The following KIF6 variants were observed in gnomAD, a reference collection of about 807,000 sequenced individuals.
The protein encoded by KIF6 is kinesin family member 6, also known as kinesin-like protein KIF6.
In KIF6, 106 loss-of-function variants were observed where a neutral mutation model predicts 112.7. The observed-to-expected ratio is 0.94, with a 90% CI of 0.80 to 1.11. The LOEUF is 1.11. Among genes scored for constraint, KIF6 ranks in the 50% least tolerant of loss-of-function variants. KIF6 has a pLI of 0.00. For synonymous variants in KIF6, 339 were observed against 339.9 expected (o/e 1.00, Z 0.03); for missense variants, 929 against 964.0 (o/e 0.96, Z 0.48).
At chr6:39,485,654 C>T (rs1212659255) in intron 13 of KIF6, among the ~76,000 whole-genome samples, 1 of 152,128 alleles carries the variant, frequency 6.6e-6, no homozygotes, top group Non-Finnish European at 1.5e-5. Flanking sequence ...TACACATTAT[C>T]AATGTGCAGA....
chr6:39,583,450 G>A (rs1209129628), intron 9 of KIF6: 2 of 471,538 alleles, frequency 4.2e-6, no homozygotes, highest in Admixed American at 2.3e-5. Context: ...TTCTGCAGAA[G>A]AGAACTCCAT....
intron 16 of KIF6, among the ~76,000 whole-genome samples, chr6:39,370,392 G>A (rs1296983803): frequency 1.3e-5 from 2 of 152,190 alleles, no homozygotes; most frequent in East Asian, 3.8e-4. Flanking sequence ...TGGCTAATTA[G>A]AGAAATTTCA....
At chr6:39,487,272 CAT>C (rs1284137143) in intron 13 of KIF6, among the ~76,000 whole-genome samples, 1 of 152,196 alleles carries the variant, frequency 6.6e-6, no homozygotes, top group Non-Finnish European at 1.5e-5. Flanking sequence ...GCTATATCCC[CAT>C]TCAGGACCTG....
chr6:39,494,575 C>G (rs949634493), intron 13 of KIF6, among the ~76,000 whole-genome samples: 12 of 152,038 alleles, frequency 7.9e-5, no homozygotes, highest in Non-Finnish European at 1.5e-5. Flanking sequence ...AAATCAATGC[C>G]TCTAGAATTC....
chr6:39,552,824 C>T (rs1300171597), intron 10 of KIF6, among the ~76,000 whole-genome samples: 1 of 152,012 alleles, frequency 6.6e-6, no homozygotes, highest in Non-Finnish European at 1.5e-5. Flanking sequence ...GGATGTGGCC[C>T]TTTAAAACAT....
At chr6:39,495,330 C>T (rs570361945) in intron 13 of KIF6, among the ~76,000 whole-genome samples, 15 of 152,242 alleles carry the variant, frequency 9.9e-5, no homozygotes, top group South Asian at 2.1e-4. Flanking sequence ...CCCATATGTC[C>T]GCGTGTCCCT....
chr6:39,449,653 G>A (rs1245742681), intron 13 of KIF6, among the ~76,000 whole-genome samples: 2 of 152,166 alleles, frequency 1.3e-5, no homozygotes, highest in Non-Finnish European at 2.9e-5. Flanking sequence ...ACTCCTCAGA[G>A]GCTAACCTGT....
At chr6:39,413,597 C>T (rs921112170) in intron 15 of KIF6, among the ~76,000 whole-genome samples, 2 of 152,044 alleles carry the variant, frequency 1.3e-5, no homozygotes, top group African/African-American at 4.8e-5. Flanking sequence ...GGGCAAGGTC[C>T]CTTTCAACGA....
Position 39,342,610 on chromosome 6 carries a change from T to A in KIF6, c.2428+1099A>T, listed in dbSNP as rs866116318. 1.2e-4 allele frequency among the ~76,000 whole-genome samples: 16 copies of A among 138,344 alleles called. No homozygotes were observed. Among genetic ancestry groups the A allele is most frequent in the South Asian group, 4.4e-4 (2 of 4,500 alleles). The allele number at this position is 138,344 out of a possible 152,430, so 90.8% of individuals were successfully genotyped here. ...CTGAATCCAGTTTTTTATTTTTTTT[T>A]ATTTTTTTTTATTTTTTTTTATTTT... On this transcript the variant is annotated intron_variant, in intron 22 of 22. Transcript: ENST00000287152. The surrounding 1 kb of genome is among the most constrained non-coding windows in gnomAD (Gnocchi z 4.7).
intron 7 of KIF6, among the ~76,000 whole-genome samples, chr6:39,587,611 T>C (rs1232371462): frequency 1.3e-5 from 2 of 152,100 alleles, no homozygotes; most frequent in Non-Finnish European, 2.9e-5. Context: ...CTCTCCTCAA[T>C]TTCACTTCGA....
At chr6:39,688,352 C>G (rs1787992278) in intron 3 of KIF6, among the ~76,000 whole-genome samples, 1 of 151,876 alleles carries the variant, frequency 6.6e-6, no homozygotes, top group Non-Finnish European at 1.5e-5. Flanking sequence ...TGAAGAGATC[C>G]CACTCAAGCA....
intron 18 of KIF6, 97 bp downstream of exon 18, chr6:39,360,298 G>A: frequency 7.2e-7 from 1 of 1,388,252 alleles, no homozygotes; most frequent in Non-Finnish European, 9.9e-7. Flanking sequence ...GACCATGGGG[G>A]CCTGTGGGTC....
chr6:39,385,128 A>G lies in KIF6; in HGVS notation c.1861+494T>C, dbSNP rs1291491920. Among the ~76,000 whole-genome samples, 3 of 152,210 alleles carry G rather than the reference A, an allele frequency of 2.0e-5. No individual in the cohort carries two copies. The East Asian group carries it at 5.8e-4, about 29-fold the overall frequency. On this transcript the variant is annotated intron_variant, in intron 16 of 22. Transcript: ENST00000287152. Reference sequence around the variant, plus strand: ...TGTTTCAACACTCACTGGCTACATGACCTTGGGAAGGCACTGCATCTCCCC... The same window carrying G: ...TGTTTCAACACTCACTGGCTACATGGCCTTGGGAAGGCACTGCATCTCCCC...
intron 3 of KIF6, among the ~76,000 whole-genome samples, chr6:39,654,449 C>G (rs554073629): frequency 1.3e-5 from 2 of 152,272 alleles, no homozygotes; most frequent in East Asian, 3.9e-4. Flanking sequence ...GGACCTTTCT[C>G]CATCAATTAA....
At position 39,345,769 on chromosome 6, in the gene KIF6, A is replaced by T. The variant is rs1763659001; in HGVS notation, c.2252T>A (p.Ile751Asn). The T allele has an allele frequency of 6.2e-7, 1 of 1,613,778 alleles. No individual in the cohort carries two copies. Among genetic ancestry groups the T allele is most frequent in the African/African-American group, 1.3e-5 (1 of 74,888 alleles). ...TGGACTGGGGCAAGGCGAGGGCAGG[A>T]TTTTCCTGGCATTCACATCACTGCA... ...FDVCDVNARK[I>N]LPSPCPSPHS... Residue 751 changes from isoleucine to asparagine, a missense_variant, in exon 21 of 23, where the codon ATC (isoleucine) becomes AAC (asparagine). Around this residue, in one of 2 missense-constraint regions of KIF6, gnomAD observed 241 missense variants for 301.4 expected, o/e 0.80. Transcript: ENST00000287152.
intron 3 of KIF6, among the ~76,000 whole-genome samples, chr6:39,679,675 G>A (rs536664169): frequency 6.8e-6 from 1 of 148,094 alleles, no homozygotes; most frequent in South Asian, 2.2e-4. Flanking sequence ...GAGTGCAGTG[G>A]TGCAATCTCG....
chr6:39,607,577 G>A (rs74678592), intron 6 of KIF6, among the ~76,000 whole-genome samples: 2,101 of 151,004 alleles, frequency 0.014, 48 homozygotes, highest in African/African-American at 0.048. Context: ...AGAAGAAAAT[G>A]CTATTCTTAT....
At chr6:39,511,174 G>C (rs576583836) in intron 13 of KIF6, among the ~76,000 whole-genome samples, 57 of 152,162 alleles carry the variant, frequency 3.7e-4, no homozygotes, top group Non-Finnish European at 7.1e-4. Flanking sequence ...AATTAACAAG[G>C]ATATCCAGGA....
intron 3 of KIF6, among the ~76,000 whole-genome samples, chr6:39,647,254 GAGGCC>G (rs1785215130): frequency 6.6e-6 from 1 of 152,166 alleles, no homozygotes; most frequent in South Asian, 2.1e-4. Context: ...AAAATGTGAG[GAGGCC>G]GACACTTCTG....
Sources: allele counts gnomAD v4.1 joint callset (sites outside exome capture counted in the v4.1 genomes callset), GRCh38; gene constraint gnomAD v4.1.1; regional missense constraint gnomAD v4.1.1; non-coding constraint Gnocchi (gnomAD v3.1); transcripts MANE v1.5; gene names NCBI Gene and HGNC (gene_info 2026-07-23, HGNC 2026-07-21).